Variants in KIF5C observed in about 807,000 individuals in gnomAD.
KIF5C encodes kinesin family member 5C.
A neutral mutation model predicts 125.2 loss-of-function variants in KIF5C; 18 were observed. The ratio of observed to expected loss-of-function variants is 0.14; its 90% CI spans 0.10 to 0.21. The LOEUF is 0.21. Ranked by LOEUF, KIF5C falls within the 10% of genes least tolerant of loss-of-function variation. The probability of loss-of-function intolerance (pLI) is 1.00; values close to 1 mark genes in which losing one functional copy is unlikely to be tolerated. For missense variants in KIF5C, 780 were observed against 1,183.8 expected (o/e 0.66, Z 5.01); for synonymous variants, 405 against 434.0 (o/e 0.93, Z 0.83).
chr2:148,975,937 G>A lies in KIF5C; in HGVS notation c.1293+2426G>A, dbSNP rs894500760. On this transcript the variant is annotated intron_variant, in intron 12 of 25. Transcript: ENST00000435030. ...ATATTAGCTTCCTTCTTTCTCCTGG[G>A]CTGGGCTGGGCTCTGCTTACTTCCG... 2.6e-5 allele frequency among the ~76,000 whole-genome samples: 4 copies of A among 152,096 alleles called. No homozygotes were observed. In the East Asian group the frequency reaches 7.7e-4, roughly 29 times the overall value.
intron 1 of KIF5C, among the ~76,000 whole-genome samples, chr2:148,919,253 T>G (rs945902547): frequency 2.0e-5 from 3 of 152,098 alleles, no homozygotes; most frequent in African/African-American, 7.2e-5. Context: ...TACACCACCA[T>G]TTAGAAGTTT....
chr2:148,980,617 A>C (rs1251093256), intron 13 of KIF5C, among the ~76,000 whole-genome samples: 1 of 152,076 alleles, frequency 6.6e-6, no homozygotes, highest in African/African-American at 2.4e-5. Flanking sequence ...ATAACACTTA[A>C]AAATTATGTA....
intron 8 of KIF5C, among the ~76,000 whole-genome samples, chr2:148,948,125 ATCATGAGG>A (rs1188472128): frequency 6.6e-6 from 1 of 151,736 alleles, no homozygotes; most frequent in African/African-American, 2.4e-5. Flanking sequence ...AGGTGGGCGG[ATCATGAGG>A]TCAGGAGATC....
At chr2:148,964,985 A>G (rs1683015087) in intron 11 of KIF5C, among the ~76,000 whole-genome samples, 1 of 152,020 alleles carries the variant, frequency 6.6e-6, no homozygotes, top group South Asian at 2.1e-4. Context: ...GAAATGGATG[A>G]ACCTGAGAGA....
rs1681739007 is a variant in KIF5C, at chr2:148,998,362, A to G, written c.2101-38A>G. The G allele has an allele frequency of 1.9e-6, 3 of 1,552,030 alleles. No homozygotes were observed. The African/African-American group carries it at 4.1e-5, about 21-fold the overall frequency. ...TTGTCACAGAGTGGGCTGAGTGCCA[A>G]CGAGTAGATGACATGTTTCTCTTGG... On this transcript the variant is annotated intron_variant, in intron 18 of 25. Transcript: ENST00000435030.
At position 149,024,101 on chromosome 2, in the gene KIF5C, A is replaced by T. The variant is rs1379419187; in HGVS notation, c.*1031A>T. On this transcript the variant is annotated 3_prime_UTR_variant, in exon 26 of 26. Coordinates refer to ENST00000435030, the MANE Select transcript of KIF5C (RefSeq NM_004522.3). ...TGAATAAGTTATTATTTTAACCCATAATTGGCGACTGTTTATATGAATTCT... is the reference window on the plus strand; with the variant it reads ...TGAATAAGTTATTATTTTAACCCATTATTGGCGACTGTTTATATGAATTCT... 6.6e-6 allele frequency: 1 copy of T among 152,514 alleles called. No individual in the cohort carries two copies. The highest frequency in any genetic ancestry group is 1.9e-4 in the East Asian group (1 of 5,186). The allele number at this position is 152,514 out of a possible 1,614,324, so 9.4% of individuals were successfully genotyped here.
At chr2:148,921,723 A>G (rs988178286) in intron 1 of KIF5C, among the ~76,000 whole-genome samples, 2 of 151,904 alleles carry the variant, frequency 1.3e-5, no homozygotes, top group Non-Finnish European at 2.9e-5. Flanking sequence ...GCGTTTTCCT[A>G]TGTGTTTGCT....
At chr2:148,930,665 A>C (rs1439404781) in intron 3 of KIF5C, among the ~76,000 whole-genome samples, 1 of 152,140 alleles carries the variant, frequency 6.6e-6, no homozygotes, top group Admixed American at 6.5e-5. Context: ...TACTGATTTC[A>C]AGTGTGGGGT....
intron 1 of KIF5C, among the ~76,000 whole-genome samples, chr2:148,895,453 T>G (rs79789283): frequency 0.012 from 1,873 of 152,250 alleles, 35 homozygotes; most frequent in African/African-American, 0.043. Flanking sequence ...TTTATCATTC[T>G]CTATGGTTTT....
intron 1 of KIF5C, chr2:148,883,377 T>A (rs1403717564): frequency 6.6e-6 from 1 of 152,140 alleles, no homozygotes; most frequent in Non-Finnish European, 1.5e-5. Context: ...GGCGGGCACC[T>A]GTAGTCCCAG....
chr2:148,998,184 T>G, intron 18 of KIF5C: 1 of 712,518 alleles, frequency 1.4e-6, no homozygotes, highest in South Asian at 2.0e-5. Flanking sequence ...CTAATTGGCT[T>G]CTAGGGCCAA....
chr2:148,978,348 T>TG (rs1438977885), intron 12 of KIF5C, among the ~76,000 whole-genome samples: 1 of 148,082 alleles, frequency 6.8e-6, no homozygotes, highest in Non-Finnish European at 1.5e-5. Context: ...TTTTTTTTTT[T>TG]TTTTTTTTTT....
At chr2:148,905,682 C>T (rs564911102) in intron 1 of KIF5C, among the ~76,000 whole-genome samples, 1 of 152,106 alleles carries the variant, frequency 6.6e-6, no homozygotes, top group Admixed American at 6.5e-5. Context: ...AGGAAGCCTA[C>T]GAGAAGGGAG....
At chr2:148,939,350 T>TTGTTGG (rs1682359942) in intron 4 of KIF5C, among the ~76,000 whole-genome samples, 1 of 152,198 alleles carries the variant, frequency 6.6e-6, no homozygotes, top group South Asian at 2.1e-4. Context: ...AAAGCCTGCT[T>TTGTTGG]CTCCTTCTTG....
chr2:148,949,765 C>A, intron 8 of KIF5C, 74 bp from the exon 9 acceptor site: 2 of 1,543,932 alleles, frequency 1.3e-6, no homozygotes, highest in South Asian at 2.5e-5. Context: ...CCTTTGCCCT[C>A]GTGTGAATTT....
At chr2:148,945,444 C>CAT (rs1682499951) in intron 7 of KIF5C, among the ~76,000 whole-genome samples, 1 of 152,086 alleles carries the variant, frequency 6.6e-6, no homozygotes, top group African/African-American at 2.4e-5. Flanking sequence ...ATTATTCAAC[C>CAT]ATATATGTGA....
In KIF5C at chr2:148,952,268, A is replaced by C. The variant is rs528206087; in HGVS notation, c.968+1806A>C. On this transcript the variant is annotated intron_variant, in intron 10 of 25. Transcript: ENST00000435030. ...GCATTTATAAAGGAAACATCTCTTC[A>C]AAAAAAATCCTTACCAGCAAAGCAA... 3.9e-5 allele frequency among the ~76,000 whole-genome samples: 6 copies of C among 152,174 alleles called. No individual in the cohort carries two copies. The South Asian group carries it at 1.2e-3, about 32-fold the overall frequency.
At chr2:148,914,257 G>A (rs535064418) in intron 1 of KIF5C, among the ~76,000 whole-genome samples, 1 of 152,332 alleles carries the variant, frequency 6.6e-6, no homozygotes, top group East Asian at 1.9e-4. Flanking sequence ...GAAAGAGCTT[G>A]GGGGTGGGAG....
intron 10 of KIF5C, among the ~76,000 whole-genome samples, chr2:148,952,385 A>AC (rs1682685853): frequency 1.3e-5 from 2 of 152,162 alleles, no homozygotes; most frequent in Admixed American, 1.3e-4. Flanking sequence ...TGTTATCAGG[A>AC]GGTATTTGCA....
Sources: gnomAD v4.1 joint callset for allele counts (sites outside exome capture counted in the v4.1 genomes callset) on GRCh38, gnomAD v4.1.1 for gene constraint, MANE v1.5 for transcripts, NCBI Gene and HGNC (gene_info 2026-07-23, HGNC 2026-07-21) for gene names.